The following MDFIC2 variants were observed in gnomAD, a reference collection of about 807,000 sequenced individuals.
MDFIC2 encodes myoD family inhibitor domain-containing protein 2.
At chr3:70,296,280 CTA>C (rs529639115) in intron 2 of MDFIC2, among the ~76,000 whole-genome samples, 337 of 152,144 alleles carry the variant, frequency 2.2e-3, no homozygotes, top group African/African-American at 6.4e-3. Flanking sequence ...AATTTAAATC[CTA>C]TGTTTTGTTT....
chr3:70,253,053 C>T (rs74637859), intron 2 of MDFIC2, among the ~76,000 whole-genome samples: 4,368 of 151,990 alleles, frequency 0.029, 164 homozygotes, highest in East Asian at 0.2. Context: ...GTACTCCAGC[C>T]TGGGGGACAA....
At chr3:70,293,928 A>G (rs1575618383) in intron 2 of MDFIC2, among the ~76,000 whole-genome samples, 1 of 152,162 alleles carries the variant, frequency 6.6e-6, no homozygotes, top group South Asian at 2.1e-4. Flanking sequence ...CCAGAAAAAA[A>G]GAGCAAAGTT....
At chr3:70,291,012 C>T (rs1472592479) in intron 2 of MDFIC2, among the ~76,000 whole-genome samples, 1 of 152,332 alleles carries the variant, frequency 6.6e-6, no homozygotes, top group Middle Eastern at 3.4e-3. Context: ...GCAGAAATCA[C>T]CGGTCTTCTG....
chr3:70,228,424 C>CA (rs908224227), intron 2 of MDFIC2, among the ~76,000 whole-genome samples: 19 of 145,538 alleles, frequency 1.3e-4, no homozygotes, highest in South Asian at 8.7e-4. Flanking sequence ...GTTAGGCTGC[C>CA]AAAAAAAAAA....
rs563626405 is a variant in MDFIC2, at chr3:70,294,283, C to T, written c.88+17603G>A. On this transcript the variant is annotated intron_variant, in intron 2 of 3. Coordinates refer to ENST00000567252, the MANE Select transcript of MDFIC2 (RefSeq NM_001364677.1). ...TCTTTATAAAACATTTTCTTTTTTGCTAATGAAACCTGTTCACCCTAGGTC... is the reference window on the plus strand; with the variant it reads ...TCTTTATAAAACATTTTCTTTTTTGTTAATGAAACCTGTTCACCCTAGGTC... Among the ~76,000 whole-genome samples the T allele has an allele frequency of 9.2e-5, 14 of 151,968 alleles. No individual in the cohort carries two copies. In the South Asian group the frequency reaches 2.7e-3, roughly 29 times the overall value.
At chr3:70,237,010 A>C (rs1032666755) in intron 2 of MDFIC2, among the ~76,000 whole-genome samples, 2 of 152,240 alleles carry the variant, frequency 1.3e-5, no homozygotes, top group African/African-American at 4.8e-5. Context: ...TGTCAAGGCA[A>C]CATCTCCACT....
chr3:70,266,036 T>G (rs901191040), intron 2 of MDFIC2, among the ~76,000 whole-genome samples: 97 of 152,284 alleles, frequency 6.4e-4, no homozygotes, highest in African/African-American at 2.3e-3. Context: ...ACCAAAAAAG[T>G]TTGCTTATTC....
At chr3:70,246,106 A>C (rs992623905) in intron 2 of MDFIC2, among the ~76,000 whole-genome samples, 3 of 152,060 alleles carry the variant, frequency 2.0e-5, no homozygotes, top group Non-Finnish European at 4.4e-5. Flanking sequence ...CATAAAAAAA[A>C]ACCCCACAGA....
intron 2 of MDFIC2, among the ~76,000 whole-genome samples, chr3:70,214,257 T>C (rs1306201792): frequency 6.6e-6 from 1 of 152,126 alleles, no homozygotes; most frequent in African/African-American, 2.4e-5. Context: ...TTGGAAGACG[T>C]CCTTTAAAGA....
Position 70,196,804 on chromosome 3 carries a change from G to A in MDFIC2, c.*122C>T. ...TTCCTAGACAGGTGCAGAATAAAAT[G>A]GCCTATAGCATCCAAGAAATGTGTA... On this transcript the variant is annotated 3_prime_UTR_variant, in exon 4 of 4. Transcript: ENST00000567252. 1 of 396,912 alleles carries A rather than the reference G, an allele frequency of 2.5e-6. No individual in the cohort carries two copies. Among genetic ancestry groups the A allele is most frequent in the East Asian group, 3.6e-5 (1 of 28,042 alleles). 24.6% of individuals were successfully genotyped at this position (396,912 alleles called of 1,614,324 possible).
chr3:70,298,280 A>T (rs1482387759), intron 2 of MDFIC2, among the ~76,000 whole-genome samples: 1 of 151,978 alleles, frequency 6.6e-6, no homozygotes, highest in Non-Finnish European at 1.5e-5. Flanking sequence ...CCACACTTTG[A>T]TGTGATATGT....
chr3:70,302,979 C>T (rs1286908731), intron 2 of MDFIC2, among the ~76,000 whole-genome samples: 1 of 152,128 alleles, frequency 6.6e-6, no homozygotes, highest in African/African-American at 2.4e-5. Context: ...CACAGAAGAT[C>T]TCATCTTTTG....
chr3:70,224,314 A>G (rs1346891902), intron 2 of MDFIC2, among the ~76,000 whole-genome samples: 1 of 152,206 alleles, frequency 6.6e-6, no homozygotes. Context: ...GATAAATCCA[A>G]TACATTTGGA....
At chr3:70,242,993 G>A (rs1181968494) in intron 2 of MDFIC2, among the ~76,000 whole-genome samples, 1 of 152,188 alleles carries the variant, frequency 6.6e-6, no homozygotes, top group African/African-American at 2.4e-5. Flanking sequence ...AATTTCCCAA[G>A]AGCAGAACGA....
In MDFIC2 at chr3:70,196,201, C is replaced by A. The variant is rs886270940; in HGVS notation, c.*725G>T. On this transcript the variant is annotated 3_prime_UTR_variant, in exon 4 of 4. Coordinates refer to ENST00000567252, the MANE Select transcript of MDFIC2 (RefSeq NM_001364677.1). ...TTATGCTTATTAGAATAACTAAGAG[C>A]CTTTCTGTAACGAATTAAGAATATG... 2.0e-5 allele frequency among the ~76,000 whole-genome samples: 3 copies of A among 152,056 alleles called. No homozygotes were observed. The highest frequency in any genetic ancestry group is 2.9e-5 in the Non-Finnish European group (2 of 67,998).
chr3:70,223,176 A>C (rs1701475525), intron 2 of MDFIC2, among the ~76,000 whole-genome samples: 1 of 152,200 alleles, frequency 6.6e-6, no homozygotes, highest in South Asian at 2.1e-4. Context: ...ACAGGGTGCT[A>C]ACATGTGAAA....
At chr3:70,233,515 A>G (rs1437211567) in intron 2 of MDFIC2, among the ~76,000 whole-genome samples, 1 of 152,216 alleles carries the variant, frequency 6.6e-6, no homozygotes, top group Non-Finnish European at 1.5e-5. Flanking sequence ...ACAATAATTG[A>G]CAAGGCTTTA....
intron 2 of MDFIC2, among the ~76,000 whole-genome samples, chr3:70,217,474 G>C (rs1050590750): frequency 6.6e-6 from 1 of 152,112 alleles, no homozygotes; most frequent in African/African-American, 2.4e-5. Context: ...CTTGTACCAA[G>C]AGGGATTGGG....
At chr3:70,302,391 G>A (rs1207698823) in intron 2 of MDFIC2, among the ~76,000 whole-genome samples, 1 of 152,066 alleles carries the variant, frequency 6.6e-6, no homozygotes, top group Non-Finnish European at 1.5e-5. Context: ...GTATCTCTTT[G>A]TAGAATTTAC....
Sources: allele counts gnomAD v4.1 joint callset (sites outside exome capture counted in the v4.1 genomes callset), GRCh38; gene constraint gnomAD v4.1.1; transcripts MANE v1.5; gene names NCBI Gene and HGNC (gene_info 2026-07-23, HGNC 2026-07-21).